The following GUCY1A2 variants were observed in gnomAD, a reference collection of about 807,000 sequenced individuals.
GUCY1A2 encodes guanylate cyclase 1 soluble subunit alpha 2, also known as guanylate cyclase soluble subunit alpha-2.
GUCY1A2 carries 27 observed loss-of-function variants against 63.5 expected under a neutral mutation model. The ratio of observed to expected loss-of-function variants is 0.43; its 90% CI spans 0.31 to 0.59. The LOEUF is 0.59. Among genes scored for constraint, GUCY1A2 ranks in the 20% least tolerant of loss-of-function variants. The pLI is 0.11. For synonymous variants in GUCY1A2, 364 were observed against 343.5 expected (o/e 1.06, Z -0.66); for missense variants, 768 against 913.3 (o/e 0.84, Z 2.05).
In GUCY1A2 at chr11:106,683,623, GC is replaced by G. The variant is rs1862468947; in HGVS notation, c.*3925del. On this transcript the variant is annotated 3_prime_UTR_variant, in exon 8 of 8. Coordinates refer to ENST00000526355, the MANE Select transcript of GUCY1A2 (RefSeq NM_000855.3). Reference sequence around the variant, plus strand: ...CAGAAGTGAAGAGAGAATGCTGTTTGCTGTGGCCAGGCGTGAGGGGGTGAGA... The same window carrying G: ...CAGAAGTGAAGAGAGAATGCTGTTTGTGTGGCCAGGCGTGAGGGGGTGAGA... 4.4e-6 allele frequency: 1 copy of G among 227,504 alleles called. No individual in the cohort carries two copies. The highest frequency in any genetic ancestry group is 2.2e-5 in the African/African-American group (1 of 44,992). The allele number at this position is 227,504 out of a possible 1,614,324, so 14.1% of individuals were successfully genotyped here. A position where few individuals can be genotyped will look rare whatever the true frequency, so the allele number is the denominator to read the frequency against.
chr11:107,006,323 G>C (rs946752498), intron 1 of GUCY1A2, among the ~76,000 whole-genome samples: 1 of 152,240 alleles, frequency 6.6e-6, no homozygotes, highest in Non-Finnish European at 1.5e-5. Context: ...TCTTGAGTGA[G>C]AGATTAGTGA....
At position 106,674,682 on chromosome 11, in the gene GUCY1A2, T is replaced by C. The variant is rs1262988149; in HGVS notation, c.*12867A>G. The C allele has an allele frequency of 1.0e-5, 2 of 192,070 alleles. No homozygotes were observed. The highest frequency in any genetic ancestry group is 2.2e-5 in the Non-Finnish European group (2 of 91,816). The allele number at this position is 192,070 out of a possible 1,614,324, so 11.9% of individuals were successfully genotyped here. ...ATAATTTAAGTTTTTGATAACTCAATTTTTAAAAGATATTATTCACAAAGT... is the reference window on the plus strand; with the variant it reads ...ATAATTTAAGTTTTTGATAACTCAACTTTTAAAAGATATTATTCACAAAGT... On this transcript the variant is annotated 3_prime_UTR_variant, in exon 8 of 8. Coordinates refer to ENST00000526355, the MANE Select transcript of GUCY1A2 (RefSeq NM_000855.3).
intron 1 of GUCY1A2, among the ~76,000 whole-genome samples, chr11:106,993,879 A>G (rs1861502943): frequency 6.6e-6 from 1 of 152,360 alleles, no homozygotes; most frequent in Middle Eastern, 3.4e-3. Flanking sequence ...TACCATTTCA[A>G]GTGACCTACA....
chr11:106,978,760 A>G lies in GUCY1A2; in HGVS notation c.366-20T>C. 1 of 1,580,578 alleles carries G rather than the reference A, an allele frequency of 6.3e-7. No homozygotes were observed. The highest frequency in any genetic ancestry group is 8.6e-7 in the Non-Finnish European group (1 of 1,162,978). ...CTGTAACTAAGAAGAAAACAAAATTAGCATAAGGAGAAATTTTTGAAAGCA... is the reference window on the plus strand; with the variant it reads ...CTGTAACTAAGAAGAAAACAAAATTGGCATAAGGAGAAATTTTTGAAAGCA... On this transcript the variant is annotated intron_variant, in intron 2 of 7. Transcript: ENST00000526355.
intron 4 of GUCY1A2, among the ~76,000 whole-genome samples, chr11:106,870,934 T>C (rs972659816): frequency 6.6e-6 from 1 of 152,194 alleles, no homozygotes; most frequent in African/African-American, 2.4e-5. Context: ...GGACTACAGG[T>C]ATCCTATTTC....
rs1274457004 is a variant in GUCY1A2, at chr11:106,675,441, TG to T, written c.*12107del. 9.9e-6 allele frequency: 2 copies of T among 201,372 alleles called. No individual in the cohort carries two copies. The highest frequency in any genetic ancestry group is 2.0e-5 in the Non-Finnish European group (2 of 97,894). 12.5% of individuals were successfully genotyped at this position (201,372 alleles called of 1,614,324 possible). A position where few individuals can be genotyped will look rare whatever the true frequency, so the allele number is the denominator to read the frequency against. ...ATTTCCGCATAGTCGGAATAATTTT[TG>T]CTCCAAATTCTTAAAGGAGACAATG... On this transcript the variant is annotated 3_prime_UTR_variant, in exon 8 of 8. Coordinates refer to ENST00000526355, the MANE Select transcript of GUCY1A2 (RefSeq NM_000855.3).
intron 4 of GUCY1A2, among the ~76,000 whole-genome samples, chr11:106,863,602 T>C (rs191407929): frequency 6.6e-6 from 1 of 152,296 alleles, no homozygotes; most frequent in East Asian, 1.9e-4. Context: ...TTGCTTAGGA[T>C]TGTCTTGGCT....
chr11:106,725,548 A>G (rs1280048402), intron 6 of GUCY1A2, among the ~76,000 whole-genome samples: 1 of 152,124 alleles, frequency 6.6e-6, no homozygotes, highest in Non-Finnish European at 1.5e-5. Context: ...AAATAGTTCA[A>G]TTTAAAAATA....
At chr11:107,001,019 T>A (rs1008513157) in intron 1 of GUCY1A2, among the ~76,000 whole-genome samples, 31 of 152,218 alleles carry the variant, frequency 2.0e-4, no homozygotes, top group African/African-American at 7.2e-4. Context: ...ATAATAAGCT[T>A]CTAACTAGTA....
At chr11:106,852,370 G>C (rs571499921) in intron 4 of GUCY1A2, among the ~76,000 whole-genome samples, 4 of 152,172 alleles carry the variant, frequency 2.6e-5, no homozygotes, top group Admixed American at 2.6e-4. Flanking sequence ...GGTGAAAGCA[G>C]ACATCTTTGC....
chr11:106,724,627 T>G (rs777904237), intron 6 of GUCY1A2, among the ~76,000 whole-genome samples: 6 of 152,260 alleles, frequency 3.9e-5, no homozygotes, highest in Non-Finnish European at 7.3e-5. Context: ...AGTCTTGGAT[T>G]TAAGCCTATT....
At chr11:106,878,264 C>G (rs1859777770) in intron 4 of GUCY1A2, among the ~76,000 whole-genome samples, 1 of 152,076 alleles carries the variant, frequency 6.6e-6, no homozygotes, top group Non-Finnish European at 1.5e-5. Flanking sequence ...TTCGACCTAG[C>G]CATCTCATCA....
intron 4 of GUCY1A2, among the ~76,000 whole-genome samples, chr11:106,896,726 A>G (rs2135481876): frequency 6.6e-6 from 1 of 152,316 alleles, no homozygotes; most frequent in Admixed American, 6.5e-5. Flanking sequence ...TGGAAGCACC[A>G]TACTGAAAGC....
rs137922339 is a variant in GUCY1A2, at chr11:106,687,612, C to T, written c.2136G>A (p.Ser712=). 91 of 1,613,900 alleles carry T rather than the reference C, an allele frequency of 5.6e-5. No individual in the cohort carries two copies. Among genetic ancestry groups the T allele is most frequent in the Middle Eastern group, 3.3e-4 (2 of 6,062 alleles). The part of the protein sequence containing the change: ...GPKPPKPSLS[S]SRIKKVSYNI... Reference sequence around the variant, plus strand: ...TGTAGGAAACCTTTTTTATTCTCGACGAAGAAAGAGAAGGCTTTGGTGGCT... The same window carrying T: ...TGTAGGAAACCTTTTTTATTCTCGATGAAGAAAGAGAAGGCTTTGGTGGCT... The change falls in exon 8 of 8, where the codon TCG becomes TCA. Residue 712 remains serine (S), a synonymous_variant. Coordinates refer to ENST00000526355, the MANE Select transcript of GUCY1A2 (RefSeq NM_000855.3).
rs938414853 is a variant in GUCY1A2, at chr11:106,964,897, A to G, written c.487+13722T>C. ...CGGGAGGCTGAGGTAGGAGAATGGC[A>G]TGAACCCGGGAGGCAGAGCTTGCAG... On this transcript the variant is annotated intron_variant, in intron 3 of 7. Transcript: ENST00000526355. Among the ~76,000 whole-genome samples the G allele has an allele frequency of 7.2e-5, 11 of 152,034 alleles. No homozygotes were observed. The East Asian group carries it at 9.7e-4, about 13-fold the overall frequency.
intron 1 of GUCY1A2, among the ~76,000 whole-genome samples, chr11:107,004,807 C>G (rs933555328): frequency 6.6e-6 from 1 of 152,090 alleles, no homozygotes; most frequent in Admixed American, 6.6e-5. Flanking sequence ...CTTGGGAGAA[C>G]CAAGCAAAGG....
intron 1 of GUCY1A2, among the ~76,000 whole-genome samples, chr11:107,009,832 C>G (rs1194147203): frequency 1.3e-5 from 2 of 152,178 alleles, no homozygotes; most frequent in Admixed American, 1.3e-4. Context: ...GCCCATAGAG[C>G]TCACTGCTCA....
chr11:107,003,968 A>C (rs779512062), intron 1 of GUCY1A2, among the ~76,000 whole-genome samples: 1 of 152,198 alleles, frequency 6.6e-6, no homozygotes, highest in Non-Finnish European at 1.5e-5. Context: ...TAGAGCTCTG[A>C]TCTCAGAGTT....
Position 106,788,834 on chromosome 11 carries a change from G to A in GUCY1A2, c.1693-12252C>T, listed in dbSNP as rs116765574. On this transcript the variant is annotated intron_variant, in intron 5 of 7. Coordinates refer to ENST00000526355, the MANE Select transcript of GUCY1A2 (RefSeq NM_000855.3). ...GTAGTATAATTTGAAGTCAGGTATT[G>A]TAATTCCTTGAGTTTTGTTCTTTTT... Among the ~76,000 whole-genome samples, 644 of 152,246 alleles carry A rather than the reference G, an allele frequency of 4.2e-3. 6 individuals are homozygous for A. The highest frequency in any genetic ancestry group is 0.015 in the African/African-American group (626 of 41,542).
Sources: gnomAD v4.1 joint callset for allele counts (sites outside exome capture counted in the v4.1 genomes callset) on GRCh38, gnomAD v4.1.1 for gene constraint, MANE v1.5 for transcripts, NCBI Gene and HGNC (gene_info 2026-07-23, HGNC 2026-07-21) for gene names.